The following SNX29 variants were observed in gnomAD, a reference collection of about 807,000 sequenced individuals.
The protein encoded by SNX29 is sorting nexin-29.
SNX29 carries 78 observed loss-of-function variants against 102.1 expected under a neutral mutation model. The ratio of observed to expected loss-of-function variants is 0.76; its 90% CI spans 0.64 to 0.92. The LOEUF (loss-of-function observed/expected upper bound fraction) is 0.92. Ranked by LOEUF, SNX29 falls within the 40% of genes least tolerant of loss-of-function variation. The probability of loss-of-function intolerance (pLI) is 0.00; values close to 1 mark genes in which losing one functional copy is unlikely to be tolerated. For synonymous variants in SNX29, 580 were observed against 414.5 expected (o/e 1.40, Z -4.85); for missense variants, 1,280 against 1,061.7 (o/e 1.21, Z -2.86).
intron 14 of SNX29, among the ~76,000 whole-genome samples, chr16:12,201,679 G>A (rs964923728): frequency 3.3e-5 from 5 of 152,164 alleles, no homozygotes; most frequent in Non-Finnish European, 7.3e-5. Context: ...TTAGGATGAG[G>A]CTGTAGATTT....
intron 20 of SNX29, among the ~76,000 whole-genome samples, chr16:12,543,759 C>G (rs186271979): frequency 2.0e-5 from 3 of 152,130 alleles, no homozygotes; most frequent in Non-Finnish European, 4.4e-5. Flanking sequence ...GGGAGATTTT[C>G]CAAGTTTATT....
At position 12,535,130 on chromosome 16, in the gene SNX29, A is replaced by G. The variant is rs568673722; in HGVS notation, c.2318+10289A>G. On this transcript the variant is annotated intron_variant, in intron 20 of 20. Transcript: ENST00000566228. The stretch of plus-strand genomic sequence containing the variant: ...ATTTAGCACCCGCCAGGGTCCAGGT[A>G]TTAGGCCAGGAGCTTTTCATTTCTT... Among the ~76,000 whole-genome samples, 3 of 152,286 alleles carry G rather than the reference A, an allele frequency of 2.0e-5. No individual in the cohort carries two copies. The South Asian group carries it at 6.2e-4, about 32-fold the overall frequency.
intron 20 of SNX29, among the ~76,000 whole-genome samples, chr16:12,547,355 C>A (rs532911892): frequency 6.6e-6 from 1 of 152,094 alleles, no homozygotes; most frequent in African/African-American, 2.4e-5. Context: ...CTCTAGCTGC[C>A]ATGTGGAGTC....
intron 19 of SNX29, among the ~76,000 whole-genome samples, chr16:12,483,189 T>C (rs1259129309): frequency 6.7e-6 from 1 of 149,248 alleles, no homozygotes; most frequent in Admixed American, 6.7e-5. Context: ...TGTGTGTTTT[T>C]GTAGAGATGG....
At chr16:12,113,352 C>T (rs957400797) in intron 11 of SNX29, among the ~76,000 whole-genome samples, 6 of 152,208 alleles carry the variant, frequency 3.9e-5, no homozygotes, top group African/African-American at 1.4e-4. Context: ...GTCGCCGAGC[C>T]GGGCTGGAAC....
chr16:12,560,974 C>A (rs554477323), intron 20 of SNX29: 2 of 213,488 alleles, frequency 9.4e-6, no homozygotes, highest in Non-Finnish European at 1.9e-5. Flanking sequence ...CTTCAAGGAA[C>A]CCTTGGGTAC....
At chr16:12,463,949 C>G (rs2086933621) in intron 18 of SNX29, among the ~76,000 whole-genome samples, 4 of 151,806 alleles carry the variant, frequency 2.6e-5, no homozygotes, top group African/African-American at 2.4e-5. Flanking sequence ...ATCAGATCCA[C>G]AGAACTTATC....
intron 9 of SNX29, among the ~76,000 whole-genome samples, chr16:12,062,817 C>T (rs1276331621): frequency 3.3e-5 from 5 of 152,204 alleles, no homozygotes; most frequent in Non-Finnish European, 5.9e-5. Context: ...CCTACTCAAA[C>T]TAGCTGAAGC....
chr16:12,566,196 A>T (rs2078998375), intron 20 of SNX29, among the ~76,000 whole-genome samples: 1 of 152,078 alleles, frequency 6.6e-6, no homozygotes, highest in Non-Finnish European at 1.5e-5. Flanking sequence ...AATCCTTACC[A>T]CCACAGTACT....
chr16:12,261,943 C>T lies in SNX29; in HGVS notation c.1679-15990C>T, dbSNP rs185423514. Among the ~76,000 whole-genome samples the T allele has an allele frequency of 1.6e-4, 22 of 136,672 alleles. 1 individual carries two copies. The highest frequency in any genetic ancestry group is 5.9e-4 in the Admixed American group (8 of 13,530). The allele number at this position is 136,672 out of a possible 152,430, so 89.7% of individuals were successfully genotyped here. On this transcript the variant is annotated intron_variant, in intron 14 of 20. Transcript: ENST00000566228. ...AGTGGTTCCTGAGCCCAGGTCTGCACGTGTCCCCGGCTGGAGTGAGTGTTT... is the reference window on the plus strand; with the variant it reads ...AGTGGTTCCTGAGCCCAGGTCTGCATGTGTCCCCGGCTGGAGTGAGTGTTT...
chr16:12,493,031 A>G (rs2088629788), intron 19 of SNX29, among the ~76,000 whole-genome samples: 1 of 152,176 alleles, frequency 6.6e-6, no homozygotes, highest in African/African-American at 2.4e-5. Context: ...TTTTGGTTCC[A>G]TATGAACTTT....
intron 15 of SNX29, among the ~76,000 whole-genome samples, chr16:12,348,531 C>T (rs372673699): frequency 3.3e-5 from 5 of 151,316 alleles, no homozygotes; most frequent in South Asian, 2.1e-4. Flanking sequence ...CGCCTTTCCC[C>T]GGCTCTGTGT....
chr16:12,560,968 A>G (rs533196099), intron 20 of SNX29: 3 of 213,328 alleles, frequency 1.4e-5, no homozygotes, highest in South Asian at 3.7e-4. Context: ...ACCTGCCTTC[A>G]AGGAACCCTT....
chr16:12,564,932 GT>G (rs763544006), intron 20 of SNX29, among the ~76,000 whole-genome samples: 4 of 23,832 alleles, frequency 1.7e-4, no homozygotes, highest in Non-Finnish European at 4.0e-4. Context: ...GAACCTTGGT[GT>G]TAAAAAAAAA....
intron 15 of SNX29, among the ~76,000 whole-genome samples, chr16:12,318,177 T>C (rs549430232): frequency 1.3e-5 from 2 of 152,332 alleles, no homozygotes; most frequent in South Asian, 2.1e-4. Context: ...AGAGCCAGGA[T>C]TGAAATTCAC....
At chr16:12,519,621 A>G (rs1330874036) in intron 19 of SNX29, among the ~76,000 whole-genome samples, 1 of 152,248 alleles carries the variant, frequency 6.6e-6, no homozygotes, top group African/African-American at 2.4e-5. Context: ...TGACACAAAT[A>G]TGGAAAAGAG....
intron 15 of SNX29, among the ~76,000 whole-genome samples, chr16:12,289,582 G>A (rs1309416938): frequency 6.6e-6 from 1 of 152,112 alleles, no homozygotes; most frequent in Non-Finnish European, 1.5e-5. Context: ...TTCTGCTGAA[G>A]CCTCATTTCC....
intron 19 of SNX29, among the ~76,000 whole-genome samples, chr16:12,511,666 A>G (rs950261877): frequency 6.6e-6 from 1 of 152,194 alleles, no homozygotes; most frequent in Non-Finnish European, 1.5e-5. Context: ...TCTAACATTT[A>G]GCAGTTTAAT....
At chr16:11,997,567 T>C (rs1016909416) in intron 1 of SNX29, among the ~76,000 whole-genome samples, 3 of 151,770 alleles carry the variant, frequency 2.0e-5, no homozygotes, top group African/African-American at 7.3e-5. Flanking sequence ...AGCCATTGCC[T>C]CCTGGGTTCA....
Sources: gnomAD v4.1 joint callset for allele counts (sites outside exome capture counted in the v4.1 genomes callset) on GRCh38, gnomAD v4.1.1 for gene constraint, MANE v1.5 for transcripts, NCBI Gene and HGNC (gene_info 2026-07-23, HGNC 2026-07-21) for gene names.